XKR6: variants seen among roughly 807,000 people sequenced by gnomAD.
The protein encoded by XKR6 is XK related 6.
A neutral mutation model predicts 56.7 loss-of-function variants in XKR6; 22 were observed. The observed-to-expected ratio is 0.39, with a 90% confidence interval of 0.28 to 0.55. The LOEUF (loss-of-function observed/expected upper bound fraction) is 0.55, where lower values mean the gene tolerates loss of function less well. Ranked by LOEUF, XKR6 falls within the 20% of genes least tolerant of loss-of-function variation. The probability of loss-of-function intolerance (pLI) is 0.66; values close to 1 mark genes in which losing one functional copy is unlikely to be tolerated. For missense variants in XKR6, 852 were observed against 889.0 expected (o/e 0.96, Z 0.53); for synonymous variants, 524 against 387.8 (o/e 1.35, Z -4.13).
chr8:11,085,141 C>T (rs766766208), intron 1 of XKR6, among the ~76,000 whole-genome samples: 1 of 152,138 alleles, frequency 6.6e-6, no homozygotes, highest in Non-Finnish European at 1.5e-5. Context: ...CCAGGCACTA[C>T]CTCCCCTTCT....
intron 1 of XKR6, among the ~76,000 whole-genome samples, chr8:11,176,968 C>G (rs1802690822): frequency 6.6e-6 from 1 of 152,172 alleles, no homozygotes; most frequent in African/African-American, 2.4e-5. Flanking sequence ...AGAGGGCAAA[C>G]ATGCATGCAC....
At chr8:11,163,416 T>C (rs551494166) in intron 1 of XKR6, among the ~76,000 whole-genome samples, 2 of 152,186 alleles carry the variant, frequency 1.3e-5, no homozygotes, top group Non-Finnish European at 2.9e-5. Flanking sequence ...ACCATTATCA[T>C]TTCCCAAGTC....
chr8:10,958,017 T>G (rs1462403833), intron 1 of XKR6, among the ~76,000 whole-genome samples: 1 of 152,224 alleles, frequency 6.6e-6, no homozygotes, highest in Non-Finnish European at 1.5e-5. Context: ...GAAACCCACG[T>G]GATCTGGAAA....
intron 1 of XKR6, among the ~76,000 whole-genome samples, chr8:11,096,875 A>C (rs1586539545): frequency 6.6e-6 from 1 of 152,358 alleles, no homozygotes; most frequent in East Asian, 1.9e-4. Flanking sequence ...ATGTCACCCA[A>C]ACACCAAATG....
At chr8:11,157,208 G>A (rs759012456) in intron 1 of XKR6, among the ~76,000 whole-genome samples, 11 of 152,142 alleles carry the variant, frequency 7.2e-5, no homozygotes, top group East Asian at 1.9e-4. Context: ...CTGTTGCAGC[G>A]CAGAGGAGAC....
chr8:11,131,211 A>C (rs1190580651), intron 1 of XKR6, among the ~76,000 whole-genome samples: 3 of 152,224 alleles, frequency 2.0e-5, no homozygotes, highest in East Asian at 1.9e-4. Context: ...CCATAGCTTT[A>C]TAGTTCCCAG....
Position 11,071,671 on chromosome 8 carries a change from G to A in XKR6, c.764+128905C>T, listed in dbSNP as rs187734401. Among the ~76,000 whole-genome samples, 372 of 150,528 alleles carry A rather than the reference G, an allele frequency of 2.5e-3. 4 individuals are homozygous for A. The highest frequency in any genetic ancestry group is 8.7e-3 in the African/African-American group (357 of 40,834). ...CATGAGCCCCGAGTCTATGAGCCCC[G>A]AGGCCATGAGCCCGGAGTCTATGAG... On this transcript the variant is annotated intron_variant, in intron 1 of 2. Transcript: ENST00000416569.
At chr8:11,009,390 A>T (rs1181963234) in intron 1 of XKR6, among the ~76,000 whole-genome samples, 2 of 152,300 alleles carry the variant, frequency 1.3e-5, no homozygotes, top group East Asian at 3.9e-4. Context: ...GTGTGCCTGT[A>T]GTCCCAGCTA....
At chr8:11,003,414 A>G (rs145725783) in intron 1 of XKR6, among the ~76,000 whole-genome samples, 23 of 152,112 alleles carry the variant, frequency 1.5e-4, no homozygotes, top group Non-Finnish European at 3.1e-4. Flanking sequence ...CCATTATCAT[A>G]ATTATCATCA....
At chr8:11,107,482 G>T (rs1037927100) in intron 1 of XKR6, among the ~76,000 whole-genome samples, 27 of 152,122 alleles carry the variant, frequency 1.8e-4, no homozygotes, top group African/African-American at 6.3e-4. Flanking sequence ...ACCACACCCA[G>T]CCCTGATCAA....
intron 1 of XKR6, among the ~76,000 whole-genome samples, chr8:11,069,452 C>T (rs1214469254): frequency 6.6e-6 from 1 of 152,144 alleles, no homozygotes; most frequent in Non-Finnish European, 1.5e-5. Flanking sequence ...TGTTGCCACA[C>T]CTCGGGGTCA....
intron 1 of XKR6, among the ~76,000 whole-genome samples, chr8:11,112,734 C>G (rs1196453506): frequency 6.6e-6 from 1 of 152,152 alleles, no homozygotes; most frequent in Non-Finnish European, 1.5e-5. Context: ...ATTAAGAGCC[C>G]ACACACATAA....
At chr8:11,101,964 G>C (rs1798500679) in intron 1 of XKR6, among the ~76,000 whole-genome samples, 1 of 152,090 alleles carries the variant, frequency 6.6e-6, no homozygotes, top group Admixed American at 6.5e-5. Flanking sequence ...CATAAATAAT[G>C]TCACGGATGC....
chr8:11,091,933 G>A (rs137972123), intron 1 of XKR6, among the ~76,000 whole-genome samples: 417 of 152,256 alleles, frequency 2.7e-3, no homozygotes, highest in Admixed American at 8.4e-3. Context: ...AATGAAAAGC[G>A]TTATATTTCT....
At chr8:11,118,702 CTTCT>C (rs1471334466) in intron 1 of XKR6, among the ~76,000 whole-genome samples, 1 of 152,022 alleles carries the variant, frequency 6.6e-6, no homozygotes, top group South Asian at 2.1e-4. Context: ...TCTCTCTTTT[CTTCT>C]TTATTAGTCT....
chr8:11,020,341 G>A (rs2129148475), intron 1 of XKR6, among the ~76,000 whole-genome samples: 1 of 152,268 alleles, frequency 6.6e-6, no homozygotes, highest in East Asian at 1.9e-4. Context: ...CTCCAGAAAT[G>A]CATCCATCCA....
At chr8:11,125,124 A>G (rs934889452) in intron 1 of XKR6, among the ~76,000 whole-genome samples, 2 of 151,692 alleles carry the variant, frequency 1.3e-5, no homozygotes, top group African/African-American at 4.8e-5. Context: ...AGAAAAAAAA[A>G]GTATTGATGC....
intron 1 of XKR6, among the ~76,000 whole-genome samples, chr8:10,981,022 A>T (rs2129137381): frequency 6.6e-6 from 1 of 152,100 alleles, no homozygotes; most frequent in Non-Finnish European, 1.5e-5. Flanking sequence ...CGTGTGTTTG[A>T]AGGGTCAAAA....
intron 1 of XKR6, among the ~76,000 whole-genome samples, chr8:11,140,945 G>C (rs1016548480): frequency 4.8e-5 from 7 of 144,342 alleles, no homozygotes; most frequent in Admixed American, 1.4e-4. Context: ...TAGAGAATAA[G>C]CTTCAGAAAA....
Sources: allele counts gnomAD v4.1 joint callset (sites outside exome capture counted in the v4.1 genomes callset), GRCh38; gene constraint gnomAD v4.1.1; transcripts MANE v1.5; gene names NCBI Gene and HGNC (gene_info 2026-07-23, HGNC 2026-07-21).